PPFIBP1: variants seen among roughly 807,000 people sequenced by gnomAD.
The protein encoded by PPFIBP1 is PPFIB scaffold protein 1, also known as liprin-beta-1.
A neutral mutation model predicts 137.8 loss-of-function variants in PPFIBP1; 112 were observed. The ratio of observed to expected loss-of-function variants is 0.81; its 90% CI spans 0.70 to 0.95. The LOEUF is 0.95. PPFIBP1 is among the 40% of genes least tolerant of loss of function. The pLI, the probability that PPFIBP1 is intolerant of heterozygous loss-of-function variation, is 0.00. For synonymous variants in PPFIBP1, 378 were observed against 417.3 expected (o/e 0.91, Z 1.15); for missense variants, 1,083 against 1,196.6 (o/e 0.91, Z 1.40).
rs573572949 is a variant in PPFIBP1, at chr12:27,539,772, G to C, written c.-124+15407G>C. ...ATTTGAGTAACATAGAAAAAATAGA[G>C]AAGACACAGTTAAAAAAAAGGCATC... On this transcript the variant is annotated intron_variant, in intron 1 of 29. Transcript: ENST00000228425. Among the ~76,000 whole-genome samples the C allele has an allele frequency of 1.2e-4, 19 of 152,120 alleles. No homozygotes were observed. In the East Asian group the frequency reaches 3.5e-3, roughly 28 times the overall value.
Position 27,646,081 on chromosome 12 carries a change from G to A in PPFIBP1, c.290G>A (p.Gly97Glu), listed in dbSNP as rs2058461629. 5 of 1,609,408 alleles carry A rather than the reference G, an allele frequency of 3.1e-6. No homozygotes were observed. The highest frequency in any genetic ancestry group is 4.2e-6 in the Non-Finnish European group (5 of 1,176,836). ...TTTCAGACAAATGGACACCTACCAG[G>A]GAACGGAGATGTGTATCAAGAAAGG... ...QSQMTNGHLPGNGDVYQERLA... is the reference protein window; with the variant it reads ...QSQMTNGHLPENGDVYQERLA... Residue 97 changes from glycine to glutamate, a missense_variant, in exon 5 of 30, where the codon GGG (glycine) becomes GAG (glutamate). Transcript: ENST00000228425.
At chr12:27,630,442 G>C (rs2057180936) in intron 2 of PPFIBP1, among the ~76,000 whole-genome samples, 1 of 151,962 alleles carries the variant, frequency 6.6e-6, no homozygotes, top group South Asian at 2.1e-4. Flanking sequence ...ACCCGCTCCT[G>C]CTTTCCTGTG....
At chr12:27,671,095 G>T (rs969250435) in intron 13 of PPFIBP1, among the ~76,000 whole-genome samples, 1 of 151,580 alleles carries the variant, frequency 6.6e-6, no homozygotes, top group African/African-American at 2.4e-5. Context: ...TTGAGCCGAG[G>T]AGTTCAAGAC....
At chr12:27,601,873 C>T (rs1263410203) in intron 2 of PPFIBP1, among the ~76,000 whole-genome samples, 7 of 152,224 alleles carry the variant, frequency 4.6e-5, no homozygotes, top group Non-Finnish European at 1.0e-4. Flanking sequence ...TGTAAGCTCC[C>T]AAACTGCTGT....
At chr12:27,605,287 G>A (rs2054410942) in intron 2 of PPFIBP1, among the ~76,000 whole-genome samples, 1 of 152,216 alleles carries the variant, frequency 6.6e-6, no homozygotes, top group South Asian at 2.1e-4. Flanking sequence ...TAAGACAAAA[G>A]GGGGCAATAT....
chr12:27,687,997 A>G (rs2061300943), intron 25 of PPFIBP1, among the ~76,000 whole-genome samples: 1 of 152,010 alleles, frequency 6.6e-6, no homozygotes, highest in African/African-American at 2.4e-5. Context: ...AGGTAGGAGG[A>G]TCCGTCTGAG....
At chr12:27,626,496 A>G (rs1016453367) in intron 2 of PPFIBP1, among the ~76,000 whole-genome samples, 5 of 152,102 alleles carry the variant, frequency 3.3e-5, no homozygotes, top group Non-Finnish European at 7.4e-5. Context: ...GAGGGCTTGG[A>G]AAAACACCGA....
Position 27,650,122 on chromosome 12 carries a change from A to G in PPFIBP1, c.584A>G (p.Asp195Gly). ...GAGAAGGACAGATTGGATTATGAAG[A>G]TAAGTTCAGAGACACAGAGGTGAGT... is the stretch of plus-strand genomic sequence containing the variant. ...AVEKDRLDYEDKFRDTEGLIQ... is the reference protein window; with the variant it reads ...AVEKDRLDYEGKFRDTEGLIQ... The change falls in exon 7 of 30, where the codon GAT (aspartate) becomes GGT (glycine). Residue 195 changes from aspartate (D) to glycine (G), a missense_variant. By Grantham distance (94) the Asp-to-Gly change is moderately conservative (BLOSUM62 -1). Coordinates refer to ENST00000228425, the MANE Select transcript of PPFIBP1 (RefSeq NM_003622.4). 6.2e-7 allele frequency: 1 copy of G among 1,607,052 alleles called. No individual in the cohort carries two copies. The highest frequency in any genetic ancestry group is 8.5e-7 in the Non-Finnish European group (1 of 1,173,894).
At chr12:27,558,616 CACACACACAAACAT>C (rs1410895864) in intron 1 of PPFIBP1, among the ~76,000 whole-genome samples, 3 of 151,594 alleles carry the variant, frequency 2.0e-5, no homozygotes, top group Non-Finnish European at 4.4e-5. Context: ...CACACACACA[CACACACACAAACAT>C]ACACACACGC....
intron 2 of PPFIBP1, among the ~76,000 whole-genome samples, chr12:27,607,705 T>A (rs746054652): frequency 5.3e-5 from 8 of 152,158 alleles, no homozygotes; most frequent in Non-Finnish European, 8.8e-5. Flanking sequence ...AATCCATAGA[T>A]GATGATGACG....
intron 27 of PPFIBP1, among the ~76,000 whole-genome samples, chr12:27,690,599 C>G (rs2061474902): frequency 6.6e-6 from 1 of 152,188 alleles, no homozygotes; most frequent in African/African-American, 2.4e-5. Flanking sequence ...GACAACAGAG[C>G]AAGATTCTGC....
chr12:27,583,225 C>G (rs1273547827), intron 2 of PPFIBP1, among the ~76,000 whole-genome samples: 2 of 152,196 alleles, frequency 1.3e-5, no homozygotes, highest in Non-Finnish European at 2.9e-5. Context: ...CGGCTTTGTT[C>G]AACAAATAAA....
At chr12:27,566,120 A>G (rs924592475) in intron 1 of PPFIBP1, among the ~76,000 whole-genome samples, 14 of 152,132 alleles carry the variant, frequency 9.2e-5, no homozygotes, top group African/African-American at 3.4e-4. Context: ...TCCCTATACC[A>G]TGTAGCCCAG....
intron 11 of PPFIBP1, among the ~76,000 whole-genome samples, chr12:27,662,919 C>G (rs139652384): frequency 6.6e-6 from 1 of 152,308 alleles, no homozygotes; most frequent in Non-Finnish European, 1.5e-5. Context: ...TGCTTTGTGA[C>G]AGGCCACATT....
At chr12:27,671,303 T>C (rs1325264119) in intron 13 of PPFIBP1, 128 bp from the exon 14 acceptor site, 1 of 532,724 alleles carries the variant, frequency 1.9e-6, no homozygotes, top group African/African-American at 2.0e-5. Context: ...AATCATTTTA[T>C]ACAGTTCTGA....
chr12:27,590,810 A>T (rs1285094656), intron 2 of PPFIBP1, among the ~76,000 whole-genome samples: 2 of 152,132 alleles, frequency 1.3e-5, no homozygotes, highest in South Asian at 2.1e-4. Context: ...TATAGATTTT[A>T]AAAAATATCT....
At chr12:27,529,427 C>T (rs1944149044) in intron 1 of PPFIBP1, among the ~76,000 whole-genome samples, 5 of 152,224 alleles carry the variant, frequency 3.3e-5, no homozygotes, top group African/African-American at 1.2e-4. Context: ...GACGCGATGG[C>T]TCATGCCTGT....
intron 1 of PPFIBP1, among the ~76,000 whole-genome samples, chr12:27,553,772 T>C (rs1592418113): frequency 6.6e-6 from 1 of 152,352 alleles, no homozygotes; most frequent in East Asian, 1.9e-4. Context: ...GATCCTCTAT[T>C]AGAACAGGCA....
intron 20 of PPFIBP1, 59 bp from the exon 21 acceptor site, chr12:27,679,874 A>T: frequency 6.3e-7 from 1 of 1,592,180 alleles, no homozygotes. Context: ...AAATGTTCTG[A>T]TTAACAAGTC....
Sources: gnomAD v4.1 joint callset for allele counts (sites outside exome capture counted in the v4.1 genomes callset) on GRCh38, gnomAD v4.1.1 for gene constraint, MANE v1.5 for transcripts, NCBI Gene and HGNC (gene_info 2026-07-23, HGNC 2026-07-21) for gene names.